Variants in PIEZO1 observed in about 807,000 individuals in gnomAD.
PIEZO1 encodes piezo type mechanosensitive ion channel component 1 (Er blood group), also known as piezo-type mechanosensitive ion channel component 1.
Under a neutral mutation model 297.2 loss-of-function variants are expected in PIEZO1, and 296 were observed. The ratio of observed to expected loss-of-function variants is 1.00; its 90% CI spans 0.91 to 1.10. The LOEUF (loss-of-function observed/expected upper bound fraction) is 1.10. PIEZO1 is among the 50% of genes least tolerant of loss of function. The probability of loss-of-function intolerance (pLI) is 0.00; values close to 1 mark genes in which losing one functional copy is unlikely to be tolerated. For synonymous variants in PIEZO1, 2,427 were observed against 1,507.5 expected, an observed-to-expected ratio of 1.61 and a Z score of -14.13; for missense variants, 5,018 against 3,455.5, an observed-to-expected ratio of 1.45 and a Z score of -11.34.
At chr16:88,732,800 A>G (rs1904953958) in intron 19 of PIEZO1, 68 bp from the exon 20 acceptor site, 1 of 1,422,124 alleles carries the variant, frequency 7.0e-7, no homozygotes, top group Non-Finnish European at 9.4e-7. Context: ...CCCGGAGCCC[A>G]CCACAGCCAC....
intron 21 of PIEZO1, 91 bp downstream of exon 21, chr16:88,732,244 G>A: frequency 8.6e-7 from 1 of 1,159,596 alleles, no homozygotes; most frequent in East Asian, 2.6e-5. Flanking sequence ...AACCCAGGTG[G>A]GGCCAGGCTT....
chr16:88,742,600 G>A (rs889033037), intron 2 of PIEZO1, among the ~76,000 whole-genome samples, 178 bp from the exon 3 acceptor site: 1 of 152,204 alleles, frequency 6.6e-6, no homozygotes, highest in Non-Finnish European at 1.5e-5. Flanking sequence ...CACGCCTCCC[G>A]AGGGTCACTC....
rs1219825428 is a variant in PIEZO1 at position 88,721,435 on chromosome 16, G to A, written c.5404-5C>T. ...ATGGTCCCAGAGGCCATAGCACTGA[G>A]GGGCGGGAGGGTGTGGTGAGGGGGC... On this transcript the variant is annotated splice_polypyrimidine_tract_variant and splice_region_variant and intron_variant, in intron 38 of 50. Transcript: ENST00000301015. 2.6e-6 allele frequency: 4 copies of A among 1,544,382 alleles called. No individual in the cohort carries two copies. Among genetic ancestry groups the A allele is most frequent in the Non-Finnish European group, 3.5e-6 (4 of 1,142,460 alleles).
At chr16:88,768,143 T>G (rs959249352) in intron 1 of PIEZO1, among the ~76,000 whole-genome samples, 1 of 152,064 alleles carries the variant, frequency 6.6e-6, no homozygotes, top group African/African-American at 2.4e-5. Flanking sequence ...CCAGCCAACC[T>G]CACGGGCCCA....
chr16:88,760,528 G>A (rs1906881400), intron 1 of PIEZO1, among the ~76,000 whole-genome samples: 1 of 152,248 alleles, frequency 6.6e-6, no homozygotes, highest in Non-Finnish European at 1.5e-5. Context: ...GTGGCCACAG[G>A]GCAGGCAGCA....
intron 7 of PIEZO1, 31 bp downstream of exon 7, chr16:88,738,196 A>G: frequency 6.5e-7 from 1 of 1,534,296 alleles, no homozygotes; most frequent in Non-Finnish European, 8.7e-7. Flanking sequence ...CCAGGGTGGC[A>G]GGAAAAAGGG....
Position 88,738,642 on chromosome 16 carries a change from C to T in PIEZO1, c.560G>A (p.Arg187His), listed in dbSNP as rs1398737352. The change falls in exon 6 of 51, where the codon CGT (arginine) becomes CAT (histidine). Residue 187 changes from arginine to histidine, a missense_variant. Physicochemically the swap from Arg to His is conservative, Grantham distance 29. Coordinates refer to ENST00000301015, the MANE Select transcript of PIEZO1 (RefSeq NM_001142864.4). ...CAGCCAGTGGGCCGTGACTCGGAAA[C>T]GAGCGGCCAGCCGTGACCTCCGTGT... ...APTRRSRLAA[R>H]FRVTAHWLLV... is the part of the protein sequence containing the mutation. The T allele has an allele frequency of 2.3e-5, 35 of 1,535,586 alleles. No homozygotes were observed. Among genetic ancestry groups the T allele is most frequent in the Non-Finnish European group, 2.6e-5 (30 of 1,146,756 alleles).
At chr16:88,733,112 G>C (rs533017213) in intron 19 of PIEZO1, 166 bp downstream of exon 19, 20 of 652,316 alleles carry the variant, frequency 3.1e-5, no homozygotes, top group Admixed American at 1.1e-4. Flanking sequence ...CCACAGTTGA[G>C]GTCGAAGGAT....
chr16:88,762,907 G>A (rs566511391), intron 1 of PIEZO1, among the ~76,000 whole-genome samples: 10 of 152,284 alleles, frequency 6.6e-5, no homozygotes, highest in Middle Eastern at 3.4e-3. Context: ...GAGACCCCCA[G>A]TCCCCAATAC....
chr16:88,719,182 T>G (rs962931411), intron 44 of PIEZO1: 2 of 223,568 alleles, frequency 8.9e-6, no homozygotes, highest in Non-Finnish European at 1.8e-5. Context: ...AGAAGGCAGA[T>G]GCTCAACTGT....
In PIEZO1 at chr16:88,719,737, G is replaced by A. The variant is rs1228538193; in HGVS notation, c.6324-16C>T. 18 of 1,550,314 alleles carry A rather than the reference G, an allele frequency of 1.2e-5. No individual in the cohort carries two copies. Among genetic ancestry groups the A allele is most frequent in the Non-Finnish European group, 1.6e-5 (18 of 1,146,900 alleles). ...CAGCCGGAACCTGCCCACAGCCAGG[G>A]TTCCCGTCAGGTGGGCTCCCTCATG... On this transcript the variant is annotated splice_polypyrimidine_tract_variant and intron_variant, in intron 43 of 50. Coordinates refer to ENST00000301015, the MANE Select transcript of PIEZO1 (RefSeq NM_001142864.4).
Position 88,732,523 on chromosome 16 carries a change from C to G in PIEZO1, c.2803G>C (p.Val935Leu). The G allele has an allele frequency of 1.9e-6, 3 of 1,546,866 alleles. No individual in the cohort carries two copies. The highest frequency in any genetic ancestry group is 2.0e-5 in the Admixed American group (1 of 50,904). ...NLGYIQNHLQ[V>L]LLLLVFEAIV... ...GCCTCGAATACCAGCAGCAGCAGCACTTGCAGGTGGTTCTGCGGAGGGCAA... is the reference window on the plus strand; with the variant it reads ...GCCTCGAATACCAGCAGCAGCAGCAGTTGCAGGTGGTTCTGCGGAGGGCAA... The change falls in exon 21 of 51, where the codon GTG becomes CTG. Residue 935 changes from valine to leucine, a missense_variant. Physicochemically the swap from Val to Leu is conservative, Grantham distance 32. Transcript: ENST00000301015.
In PIEZO1 at chr16:88,738,847, CCT is replaced by C. The variant is rs1228074031; in HGVS notation, c.466-113_466-112del. The C allele has an allele frequency of 7.3e-6, 7 of 953,246 alleles. No individual in the cohort carries two copies. In the African/African-American group the frequency reaches 9.7e-5, roughly 13 times the overall value. The allele number at this position is 953,246 out of a possible 1,614,324, so 59.0% of individuals were successfully genotyped here. A position where few individuals can be genotyped will look rare whatever the true frequency, so the allele number is the denominator to read the frequency against. On this transcript the variant is annotated intron_variant, in intron 5 of 50. Transcript: ENST00000301015. ...GGAGGCGGCCACATCCACAGCTGCTCCTCTGAGGGCCACAGGACAGCCTCCCC... is the reference window on the plus strand; with the variant it reads ...GGAGGCGGCCACATCCACAGCTGCTCCTGAGGGCCACAGGACAGCCTCCCC...
chr16:88,779,456 G>C (rs1018224806), intron 1 of PIEZO1, among the ~76,000 whole-genome samples: 28 of 152,196 alleles, frequency 1.8e-4, no homozygotes, highest in African/African-American at 6.3e-4. Flanking sequence ...TGACCGTGCG[G>C]GGCCCCCAAC....
At chr16:88,733,496 G>C in intron 18 of PIEZO1, 42 bp from the exon 19 acceptor site, 1 of 1,534,452 alleles carries the variant, frequency 6.5e-7, no homozygotes, top group Non-Finnish European at 8.8e-7. Flanking sequence ...GGGGAGGGCA[G>C]TGGGCACGTG....
intron 1 of PIEZO1, among the ~76,000 whole-genome samples, chr16:88,773,621 C>G (rs983715161): frequency 6.6e-6 from 1 of 151,468 alleles, no homozygotes; most frequent in East Asian, 1.9e-4. Context: ...GGTCGGGGGA[C>G]TGGACAGCAG....
Position 88,720,647 on chromosome 16 carries a change from C to T in PIEZO1, c.5770G>A (p.Gly1924Arg), listed in dbSNP as rs778289969. 156 of 1,547,490 alleles carry T rather than the reference C, an allele frequency of 1.0e-4. No individual in the cohort carries two copies. Among genetic ancestry groups the T allele is most frequent in the South Asian group, 2.1e-4 (18 of 83,950 alleles). Residue 1924 changes from glycine to arginine, a missense_variant, in exon 40 of 51, where the codon GGG becomes AGG. By Grantham distance (125) the Gly-to-Arg change is moderately radical (BLOSUM62 -2). Coordinates refer to ENST00000301015, the MANE Select transcript of PIEZO1 (RefSeq NM_001142864.4). ...AGGCAGAAGCCCTGCAGCCGCCGCC[C>T]GGCCGCCCTTACTCTTCCTCCAGAG... ...SRSGGRVRAA[G>R]RRLQGFCLSL... is the part of the protein sequence containing the mutation.
rs1270937272 is a variant in PIEZO1 at position 88,727,630 on chromosome 16, G to A, written c.3228C>T (p.Pro1076=). The change falls in exon 23 of 51, where the codon CCC becomes CCT. Residue 1076 remains proline, a synonymous_variant. Coordinates refer to ENST00000301015, the MANE Select transcript of PIEZO1 (RefSeq NM_001142864.4). ...DYPWRWSRAV[P]MNSALIKWLY... is the part of the protein sequence containing the mutation. ...GCCACTTGATGAGTGCGGAGTTCAT[G>A]GGGACGGCCCGGCTCCAGCGCCAGG... 2.6e-6 allele frequency: 4 copies of A among 1,514,004 alleles called. No individual in the cohort carries two copies. Among genetic ancestry groups the A allele is most frequent in the South Asian group, 1.2e-5 (1 of 80,534 alleles). 93.8% of individuals were successfully genotyped at this position (1,514,004 alleles called of 1,614,324 possible). A position where few individuals can be genotyped will look rare whatever the true frequency, so the allele number is the denominator to read the frequency against.
chr16:88,723,382 C>A, intron 31 of PIEZO1, 54 bp from the exon 32 acceptor site: 1 of 1,529,942 alleles, frequency 6.5e-7, no homozygotes, highest in Non-Finnish European at 8.8e-7. Flanking sequence ...CAGACCCAGG[C>A]GGGAAGCTGG....
Sources: gnomAD v4.1 joint callset for allele counts (sites outside exome capture counted in the v4.1 genomes callset) on GRCh38, gnomAD v4.1.1 for gene constraint, MANE v1.5 for transcripts, NCBI Gene and HGNC (gene_info 2026-07-23, HGNC 2026-07-21) for gene names.